Variants in CCDC90B observed in about 807,000 individuals in gnomAD.
The protein encoded by CCDC90B is coiled-coil domain containing 90B.
A neutral mutation model predicts 37.0 loss-of-function variants in CCDC90B; 24 were observed. That is an observed-to-expected ratio of 0.65 (90% CI 0.47 to 0.91). CCDC90B has a LOEUF of 0.91. CCDC90B is among the 40% of genes least tolerant of loss of function. The probability of loss-of-function intolerance (pLI) is 0.00; values close to 1 mark genes in which losing one functional copy is unlikely to be tolerated. For synonymous variants in CCDC90B, 113 were observed against 101.1 expected, an observed-to-expected ratio of 1.12 and a Z score of -0.71; for missense variants, 319 against 299.0, an observed-to-expected ratio of 1.07 and a Z score of -0.49.
chr11:83,270,925 T>G (rs1864617724), intron 7 of CCDC90B, among the ~76,000 whole-genome samples: 1 of 152,030 alleles, frequency 6.6e-6, no homozygotes, highest in South Asian at 2.1e-4. Flanking sequence ...CCAAAACAGA[T>G]ATACAGACCA....
chr11:83,270,944 G>A (rs1380895968), intron 7 of CCDC90B, among the ~76,000 whole-genome samples: 1 of 152,110 alleles, frequency 6.6e-6, no homozygotes, highest in East Asian at 1.9e-4. Context: ...CAATGGAACA[G>A]AACAGAGGCC....
chr11:83,273,627 A>T lies in CCDC90B; in HGVS notation c.594+20T>A. The stretch of plus-strand genomic sequence containing the variant: ...GGCACAAGAACTGTACAAAAGAGAC[A>T]TTTTTACATATTACTTTACCTTTTT... On this transcript the variant is annotated intron_variant, in intron 7 of 8. Transcript: ENST00000529689. The T allele has an allele frequency of 1.9e-6, 3 of 1,551,382 alleles. No homozygotes were observed. The highest frequency in any genetic ancestry group is 2.6e-6 in the Non-Finnish European group (3 of 1,139,462).
At chr11:83,268,391 TA>T in intron 7 of CCDC90B, among the ~76,000 whole-genome samples, 1 of 137,844 alleles carries the variant, frequency 7.3e-6, no homozygotes, top group South Asian at 2.3e-4. Flanking sequence ...AGGCTCAAAA[TA>T]AAGGGATGCA....
chr11:83,278,718 T>C lies in CCDC90B; in HGVS notation c.324+8A>G. 6.5e-7 allele frequency: 1 copy of C among 1,531,136 alleles called. No individual in the cohort carries two copies. 94.8% of individuals were successfully genotyped at this position (1,531,136 alleles called of 1,614,324 possible). On this transcript the variant is annotated splice_region_variant and intron_variant, in intron 3 of 8. Coordinates refer to ENST00000529689, the MANE Select transcript of CCDC90B (RefSeq NM_021825.5). ...AAGTATCAGAAGTGATAGTAATCAGTGTATTACCTGTTGAGCTTGAGTGAC... is the reference window on the plus strand; with the variant it reads ...AAGTATCAGAAGTGATAGTAATCAGCGTATTACCTGTTGAGCTTGAGTGAC...
Position 83,286,082 on chromosome 11 carries a change from GCT to G in CCDC90B, c.-112_-111del. The stretch of plus-strand genomic sequence containing the variant: ...AGGAATGCTGGGAATTGTAGTTTTC[GCT>G]CTGTCACAAGCTCACCTCCCAGCGC... On this transcript the variant is annotated 5_prime_UTR_variant, in exon 1 of 9. Coordinates refer to ENST00000529689, the MANE Select transcript of CCDC90B (RefSeq NM_021825.5). 4 of 1,538,408 alleles carry G rather than the reference GCT, an allele frequency of 2.6e-6. No individual in the cohort carries two copies. The highest frequency in any genetic ancestry group is 2.4e-5 in the South Asian group (2 of 84,066).
rs1865694000 is a variant in CCDC90B, at chr11:83,286,330, C to T, written c.-358G>A. 1.3e-6 allele frequency: 1 copy of T among 793,948 alleles called. No homozygotes were observed. The highest frequency in any genetic ancestry group is 2.0e-6 in the Non-Finnish European group (1 of 511,434). The allele number at this position is 793,948 out of a possible 1,614,324, so 49.2% of individuals were successfully genotyped here. On this transcript the variant is annotated 5_prime_UTR_variant, in exon 1 of 9. An upstream start codon of the reference 5' UTR is lost. Coordinates refer to ENST00000529689, the MANE Select transcript of CCDC90B (RefSeq NM_021825.5). The stretch of plus-strand genomic sequence containing the variant: ...TGGCTCCCCCAAGATAGCCAGCGGC[C>T]ATTACGCGCTTGGGTCGGGGGAGAT...
intron 7 of CCDC90B, among the ~76,000 whole-genome samples, chr11:83,268,542 C>T (rs1565210173): frequency 6.6e-6 from 1 of 152,068 alleles, no homozygotes. Context: ...GGGATCAATT[C>T]AACAAGAAGA....
chr11:83,268,451 T>C (rs1591036629), intron 7 of CCDC90B, among the ~76,000 whole-genome samples: 2 of 148,198 alleles, frequency 1.3e-5, no homozygotes, highest in Admixed American at 1.3e-4. Context: ...AAGCAGGGGT[T>C]GCAATCCTAG....
In CCDC90B at chr11:83,261,981, A is replaced by C; in HGVS notation, c.710-15T>G. On this transcript the variant is annotated splice_polypyrimidine_tract_variant and intron_variant, in intron 8 of 8. Coordinates refer to ENST00000529689, the MANE Select transcript of CCDC90B (RefSeq NM_021825.5). ...AAACACCGAAGCTGTGAAAAGAAGA[A>C]ACTGTGTTATAGGTCTTGTATCTGT... 1 of 1,565,038 alleles carries C rather than the reference A, an allele frequency of 6.4e-7. No homozygotes were observed. Among genetic ancestry groups the C allele is most frequent in the Non-Finnish European group, 8.8e-7 (1 of 1,142,140 alleles).
At chr11:83,270,813 G>A (rs561322789) in intron 7 of CCDC90B, among the ~76,000 whole-genome samples, 7 of 152,094 alleles carry the variant, frequency 4.6e-5, no homozygotes, top group South Asian at 2.1e-4. Context: ...CCCGCATGGC[G>A]AAGACAATCC....
intron 1 of CCDC90B, among the ~76,000 whole-genome samples, chr11:83,284,605 T>G (rs1270776739): frequency 6.6e-6 from 1 of 152,190 alleles, no homozygotes; most frequent in East Asian, 1.9e-4. Flanking sequence ...TTAAACTACT[T>G]GTATAAAATA....
chr11:83,285,545 C>G (rs1865630655), intron 1 of CCDC90B: 2 of 1,196,296 alleles, frequency 1.7e-6, no homozygotes, highest in South Asian at 3.9e-5. Context: ...CCCTCAAACA[C>G]AGATTACCTT....
intron 1 of CCDC90B, 104 bp downstream of exon 1, chr11:83,285,769 G>T: frequency 6.7e-7 from 1 of 1,482,208 alleles, no homozygotes; most frequent in Non-Finnish European, 8.9e-7. Flanking sequence ...TCCGGGAGGA[G>T]GGCGTGGCAC....
chr11:83,281,959 A>T (rs1365261266), intron 1 of CCDC90B, among the ~76,000 whole-genome samples: 1 of 152,186 alleles, frequency 6.6e-6, no homozygotes, highest in Non-Finnish European at 1.5e-5. Context: ...AAATATCCTA[A>T]GCTGAAAATG....
rs1481731076 is a variant in CCDC90B at position 83,260,009 on chromosome 11, C to T, written c.*1902G>A. On this transcript the variant is annotated 3_prime_UTR_variant, in exon 9 of 9. Transcript: ENST00000529689. ...TCTCTTCAGATGGGCTGGTCCCAAA[C>T]AGGAGTGGGGAGGAAGTGGGCTAAT... The T allele has an allele frequency of 6.6e-6, 1 of 152,250 alleles. No homozygotes were observed. Among genetic ancestry groups the T allele is most frequent in the African/African-American group, 2.4e-5 (1 of 41,458 alleles). The allele number at this position is 152,250 out of a possible 1,614,324, so 9.4% of individuals were successfully genotyped here.
chr11:83,280,859 GCCA>G (rs1394468065), intron 1 of CCDC90B, among the ~76,000 whole-genome samples: 1 of 152,160 alleles, frequency 6.6e-6, no homozygotes, highest in African/African-American at 2.4e-5. Context: ...ACATAGTTGG[GCCA>G]CCAAGTTTTA....
intron 1 of CCDC90B, among the ~76,000 whole-genome samples, chr11:83,281,321 T>C (rs1591062690): frequency 1.3e-5 from 2 of 152,338 alleles, no homozygotes; most frequent in African/African-American, 2.4e-5. Flanking sequence ...GATTGAGTGC[T>C]AGAACTTGTG....
In CCDC90B at chr11:83,265,995, A is replaced by G. The variant is rs749989699; in HGVS notation, c.595-16T>C. 7.3e-7 allele frequency: 1 copy of G among 1,363,002 alleles called. No homozygotes were observed. Among genetic ancestry groups the G allele is most frequent in the Non-Finnish European group, 1.0e-6 (1 of 956,088 alleles). The allele number at this position is 1,363,002 out of a possible 1,614,324, so 84.4% of individuals were successfully genotyped here. A position where few individuals can be genotyped will look rare whatever the true frequency, so the allele number is the denominator to read the frequency against. ...TTTGAGTATCCTGTGGTAAACCAGA[A>G]TAAGAGAACTTAATTTTGTCCCTAT... On this transcript the variant is annotated splice_polypyrimidine_tract_variant and intron_variant, in intron 7 of 8. Coordinates refer to ENST00000529689, the MANE Select transcript of CCDC90B (RefSeq NM_021825.5).
At chr11:83,279,278 C>A (rs527622) in intron 2 of CCDC90B, among the ~76,000 whole-genome samples, 1 of 150,726 alleles carries the variant, frequency 6.6e-6, no homozygotes, top group African/African-American at 2.4e-5. Context: ...GAGACTCTGT[C>A]TCAAAAAAAA....
Sources: allele counts gnomAD v4.1 joint callset (sites outside exome capture counted in the v4.1 genomes callset), GRCh38; gene constraint gnomAD v4.1.1; transcripts MANE v1.5; gene names NCBI Gene and HGNC (gene_info 2026-07-23, HGNC 2026-07-21).